CDK13: variants seen among roughly 807,000 people sequenced by gnomAD.
CDK13 encodes cyclin dependent kinase 13, also known as cyclin-dependent kinase 13.
In CDK13, 40 loss-of-function variants were observed where a neutral mutation model predicts 137.6. That is an observed-to-expected ratio of 0.29 (90% CI 0.23 to 0.38). The LOEUF (loss-of-function observed/expected upper bound fraction) is 0.38, where lower values mean the gene tolerates loss of function less well. Among genes scored for constraint, CDK13 ranks in the 10% least tolerant of loss-of-function variants. The pLI is 1.00. For synonymous variants in CDK13, 869 were observed against 760.1 expected (o/e 1.14, Z -2.36); for missense variants, 1,704 against 1,951.8 (o/e 0.87, Z 2.39).
At chr7:39,972,539 T>G (rs746431120) in intron 1 of CDK13, among the ~76,000 whole-genome samples, 6 of 152,252 alleles carry the variant, frequency 3.9e-5, no homozygotes, top group African/African-American at 9.6e-5. Flanking sequence ...TAGATTTACC[T>G]ATGCTGGATA....
In CDK13 at chr7:40,045,885, A is replaced by G; in HGVS notation, c.2403A>G (p.Leu801=). The part of the protein sequence containing the change: ...FEYMDHDLMG[L]LESGLVHFNE... ...ATATGGACCATGATCTGATGGGACT[A>G]CTGGAATCAGGCTTGGTTCATTTTA... The change falls in exon 6 of 14, where the codon CTA becomes CTG. Residue 801 remains leucine (L), a synonymous_variant. Coordinates refer to ENST00000181839, the MANE Select transcript of CDK13 (RefSeq NM_003718.5). 3 of 1,612,998 alleles carry G rather than the reference A, an allele frequency of 1.9e-6. No individual in the cohort carries two copies. Among genetic ancestry groups the G allele is most frequent in the Non-Finnish European group, 2.5e-6 (3 of 1,179,130 alleles).
chr7:40,011,624 A>G (rs954044756), intron 5 of CDK13, among the ~76,000 whole-genome samples: 3 of 152,222 alleles, frequency 2.0e-5, no homozygotes, highest in South Asian at 2.1e-4. Flanking sequence ...ACCTCATACA[A>G]TAATTAACTT....
In CDK13 at chr7:39,950,848, C is replaced by T; in HGVS notation, c.207C>T (p.Ala69=). The T allele has an allele frequency of 1.5e-6, 2 of 1,373,920 alleles. No homozygotes were observed. The highest frequency in any genetic ancestry group is 1.9e-6 in the Non-Finnish European group (2 of 1,074,516). The allele number at this position is 1,373,920 out of a possible 1,614,324, so 85.1% of individuals were successfully genotyped here. A position where few individuals can be genotyped will look rare whatever the true frequency, so the allele number is the denominator to read the frequency against. ...LFLAAPGTAA[A]AAAAAAASSS... ...TGGCTGCTCCCGGCACGGCCGCCGC[C>T]GCAGCCGCCGCCGCCGCGGCCTCCT... Residue 69 remains alanine (A), a synonymous_variant, in exon 1 of 14, where the codon GCC becomes GCT. Transcript: ENST00000181839.
At chr7:40,014,486 C>G (rs1164871480) in intron 5 of CDK13, among the ~76,000 whole-genome samples, 1 of 143,752 alleles carries the variant, frequency 7.0e-6, no homozygotes, top group African/African-American at 2.7e-5. Context: ...TGGCCTTGCC[C>G]TGTCACCCAG....
intron 5 of CDK13, among the ~76,000 whole-genome samples, chr7:40,041,289 G>A (rs1193518783): frequency 1.3e-5 from 2 of 152,136 alleles, no homozygotes; most frequent in Non-Finnish European, 2.9e-5. Flanking sequence ...TCGTGCCACT[G>A]CACTCCAGCC....
At position 40,088,168 on chromosome 7, in the gene CDK13, G is replaced by A. The variant is rs2302341; in HGVS notation, c.3072G>A (p.Lys1024=). The change falls in exon 12 of 14, where the codon AAG becomes AAA. Residue 1024 remains lysine, a synonymous_variant. Coordinates refer to ENST00000181839, the MANE Select transcript of CDK13 (RefSeq NM_003718.5). ...ATTGTCATGAGTTATGGAGTAAAAA[G>A]CGAAGAAGACAGAAGCAGATGGGCA... The part of the protein sequence containing the change: ...WQDCHELWSK[K]RRRQKQMGMT... 146,586 of 1,613,122 alleles carry A rather than the reference G, an allele frequency of 0.091. 9,970 individuals are homozygous for A. The highest frequency in any genetic ancestry group is 0.31 in the East Asian group (13,840 of 44,812).
rs180805932 is a variant in CDK13 at position 40,012,739 on chromosome 7, C to T, written c.2353+10708C>T. ...CTAGCCTGGCCAAAATGGTGCAACCCCGTCTCTACTAAAAATACAAAAATC... is the reference window on the plus strand; with the variant it reads ...CTAGCCTGGCCAAAATGGTGCAACCTCGTCTCTACTAAAAATACAAAAATC... On this transcript the variant is annotated intron_variant, in intron 5 of 13. Coordinates refer to ENST00000181839, the MANE Select transcript of CDK13 (RefSeq NM_003718.5). Among the ~76,000 whole-genome samples, 31 of 152,178 alleles carry T rather than the reference C, an allele frequency of 2.0e-4. No individual in the cohort carries two copies. In the East Asian group the frequency reaches 5.4e-3, roughly 27 times the overall value.
intron 1 of CDK13, among the ~76,000 whole-genome samples, chr7:39,966,940 A>G (rs991856077): frequency 8.5e-5 from 13 of 152,118 alleles, no homozygotes; most frequent in Admixed American, 3.3e-4. Flanking sequence ...ATTGTTGAAC[A>G]GTAAATGTTG....
intron 5 of CDK13, among the ~76,000 whole-genome samples, chr7:40,027,417 T>C (rs1031151223): frequency 6.6e-6 from 1 of 152,208 alleles, no homozygotes; most frequent in Non-Finnish European, 1.5e-5. Flanking sequence ...CTTTAGATTT[T>C]TTGGTACTAA....
At chr7:40,059,571 C>G (rs1054923804) in intron 7 of CDK13, among the ~76,000 whole-genome samples, 1 of 152,164 alleles carries the variant, frequency 6.6e-6, no homozygotes, top group African/African-American at 2.4e-5. Context: ...CTTGGCCAGG[C>G]TGGTCTTGAA....
In CDK13 at chr7:40,098,346, C is replaced by T. The variant is rs1787085447; in HGVS notation, c.*3366C>T. On this transcript the variant is annotated 3_prime_UTR_variant, in exon 14 of 14. Transcript: ENST00000181839. ...CTTAATCCAATTTGGGATGATTTTT[C>T]ATCCTAGGGCTTTTTGTTTTCCTTT... is the stretch of plus-strand genomic sequence containing the variant. 6.6e-6 allele frequency: 1 copy of T among 151,962 alleles called. No individual in the cohort carries two copies. The highest frequency in any genetic ancestry group is 2.4e-5 in the African/African-American group (1 of 41,394). The allele number at this position is 151,962 out of a possible 1,614,324, so 9.4% of individuals were successfully genotyped here. A position where few individuals can be genotyped will look rare whatever the true frequency, so the allele number is the denominator to read the frequency against.
intron 11 of CDK13, 31 bp downstream of exon 11, chr7:40,078,882 A>G (rs1484036490): frequency 3.3e-6 from 3 of 898,956 alleles, no homozygotes; most frequent in Non-Finnish European, 4.3e-6. Context: ...TTATTATTAT[A>G]TATTATTATT....
Position 40,093,074 on chromosome 7 carries a change from C to T in CDK13, c.3525C>T (p.Ala1175=). ...TIQPKVETDA[A]QAAVQSAFAV... ...AGCCTAAAGTGGAGACTGATGCTGC[C>T]CAGGCGGCTGTGCAGAGTGCATTTG... Residue 1175 remains alanine, a synonymous_variant, in exon 13 of 14, where the codon GCC becomes GCT. Coordinates refer to ENST00000181839, the MANE Select transcript of CDK13 (RefSeq NM_003718.5). 1 of 1,614,192 alleles carries T rather than the reference C, an allele frequency of 6.2e-7. No homozygotes were observed. The highest frequency in any genetic ancestry group is 8.5e-7 in the Non-Finnish European group (1 of 1,180,044).
At chr7:40,038,645 A>C (rs1203621982) in intron 5 of CDK13, among the ~76,000 whole-genome samples, 1 of 152,098 alleles carries the variant, frequency 6.6e-6, no homozygotes, top group African/African-American at 2.4e-5. Context: ...TTCTACTTTT[A>C]GATTTTTGTC....
intron 5 of CDK13, among the ~76,000 whole-genome samples, chr7:40,030,472 A>C (rs1011957882): frequency 4.1e-5 from 5 of 120,940 alleles, no homozygotes; most frequent in African/African-American, 1.5e-4. Flanking sequence ...TTGGTCTGAC[A>C]CCCAGGCTGG....
chr7:40,045,493 CTA>C (rs1785715658), intron 5 of CDK13, among the ~76,000 whole-genome samples: 1 of 144,014 alleles, frequency 6.9e-6, no homozygotes, highest in South Asian at 2.2e-4. Context: ...TTTTGATAAA[CTA>C]TATTGACTTT....
chr7:40,045,930 AT>A lies in CDK13; in HGVS notation c.2451del (p.Phe817LeufsTer2). On this transcript the variant is annotated frameshift_variant, in exon 6 of 14. Transcript: ENST00000181839. LOFTEE classifies it high-confidence loss of function. ...ATTTTAATGAAAATCACATAAAGTC[AT>A]TTATGAGACAGCTCATGGAGGGTCT... ...VHFNENHIKSFMRQLMEGLDY... is the reference protein window; with the variant it reads ...VHFNENHIKSXMRQLMEGLDY... The A allele has an allele frequency of 6.2e-7, 1 of 1,610,596 alleles. No homozygotes were observed. Among genetic ancestry groups the A allele is most frequent in the Non-Finnish European group, 8.5e-7 (1 of 1,176,822 alleles).
At chr7:39,959,175 ATTTC>A (rs1415777558) in intron 1 of CDK13, among the ~76,000 whole-genome samples, 2 of 150,032 alleles carry the variant, frequency 1.3e-5, no homozygotes, top group Admixed American at 6.6e-5. Flanking sequence ...GGATATTTTA[ATTTC>A]TTTCTTTTTT....
chr7:40,056,676 T>C (rs913045291), intron 7 of CDK13, among the ~76,000 whole-genome samples: 1 of 152,228 alleles, frequency 6.6e-6, no homozygotes, highest in African/African-American at 2.4e-5. Flanking sequence ...AAGAAAGCTG[T>C]TGCAGTAAAT....
Sources: allele counts gnomAD v4.1 joint callset (sites outside exome capture counted in the v4.1 genomes callset), GRCh38; gene constraint gnomAD v4.1.1; transcripts MANE v1.5; gene names NCBI Gene and HGNC (gene_info 2026-07-23, HGNC 2026-07-21).